Variants in KLF5 observed in about 807,000 individuals in gnomAD.
KLF5 encodes the protein KLF transcription factor 5, also known as Krueppel-like factor 5.
Under a neutral mutation model 36.9 loss-of-function variants are expected in KLF5, and 9 were observed. The ratio of observed to expected loss-of-function variants is 0.24; its 90% CI spans 0.15 to 0.43. The LOEUF (loss-of-function observed/expected upper bound fraction) is 0.43, where lower values mean the gene tolerates loss of function less well. Ranked by LOEUF, KLF5 falls within the 20% of genes least tolerant of loss-of-function variation. KLF5 has a pLI of 1.00. For missense variants in KLF5, 524 were observed against 599.5 expected (o/e 0.87, Z 1.31); for synonymous variants, 246 against 241.7 (o/e 1.02, Z -0.17).
chr13:73,061,326 T>C, intron 1 of KLF5, among the ~76,000 whole-genome samples: 1 of 152,210 alleles, frequency 6.6e-6, no homozygotes, highest in Non-Finnish European at 1.5e-5. Context: ...GACACTGAAA[T>C]AGCCAAATAA....
intron 3 of KLF5, among the ~76,000 whole-genome samples, chr13:73,071,185 A>G (rs1185136338): frequency 1.3e-5 from 2 of 152,204 alleles, no homozygotes; most frequent in South Asian, 2.1e-4. Context: ...AGTGATGGGG[A>G]TACAGAGAAG....
intron 3 of KLF5, among the ~76,000 whole-genome samples, chr13:73,068,597 A>G (rs540820414): frequency 1.4e-4 from 21 of 150,208 alleles, no homozygotes; most frequent in Middle Eastern, 3.7e-3. Context: ...CCAGTTACTC[A>G]GGAGGCTGAG....
intron 1 of KLF5, among the ~76,000 whole-genome samples, chr13:73,061,566 C>G (rs2044635114): frequency 6.6e-6 from 1 of 152,174 alleles, no homozygotes; most frequent in Non-Finnish European, 1.5e-5. Flanking sequence ...CTTGTTATTG[C>G]ATCAGAATGG....
chr13:73,061,098 C>G (rs1189432855), intron 1 of KLF5, among the ~76,000 whole-genome samples: 2 of 152,060 alleles, frequency 1.3e-5, no homozygotes, highest in Non-Finnish European at 2.9e-5. Context: ...TAGCAGCACT[C>G]TACCAAGGGA....
intron 3 of KLF5, among the ~76,000 whole-genome samples, chr13:73,073,914 A>C (rs984089998): frequency 1.3e-5 from 2 of 152,224 alleles, no homozygotes; most frequent in Admixed American, 1.3e-4. Flanking sequence ...TGAGTGTCTT[A>C]GGTTAAATTT....
In KLF5 at chr13:73,059,536, C is replaced by A; in HGVS notation, c.209C>A (p.Pro70Gln). The A allele has an allele frequency of 8.4e-7, 1 of 1,186,272 alleles. No homozygotes were observed. Among genetic ancestry groups the A allele is most frequent in the Non-Finnish European group, 1.0e-6 (1 of 962,634 alleles). 73.5% of individuals were successfully genotyped at this position (1,186,272 alleles called of 1,614,324 possible). A position where few individuals can be genotyped will look rare whatever the true frequency, so the allele number is the denominator to read the frequency against. Reference protein sequence around the residue: ...AQPAPAQAPQPAQPPATGPRL... With the variant: ...AQPAPAQAPQQAQPPATGPRL... ...CCCGCGCCCGCGCAGGCCCCGCAGC[C>A]GGCCCAGCCGCCCGCCACCGGCCCG... The change falls in exon 1 of 4, where the codon CCG becomes CAG. Residue 70 changes from proline (P) to glutamine (Q), a missense_variant. By Grantham distance (76) the Pro-to-Gln change is moderately conservative. Transcript: ENST00000377687.
chr13:73,063,709 A>G, intron 2 of KLF5, 115 bp from the exon 3 acceptor site: 1 of 695,776 alleles, frequency 1.4e-6, no homozygotes, highest in Non-Finnish European at 2.5e-6. Context: ...GCTTCAAATA[A>G]TCTCATCTAG....
In KLF5 at chr13:73,075,922, C is replaced by A; in HGVS notation, c.*36C>A. ...TGTGACCCGTTCCAGGTCCCCTGGG[C>A]TCCCTCAAATGACAGACCTAACTAT... On this transcript the variant is annotated 3_prime_UTR_variant, in exon 4 of 4. Coordinates refer to ENST00000377687, the MANE Select transcript of KLF5 (RefSeq NM_001730.5). 1 of 1,477,642 alleles carries A rather than the reference C, an allele frequency of 6.8e-7. No individual in the cohort carries two copies. The highest frequency in any genetic ancestry group is 9.1e-7 in the Non-Finnish European group (1 of 1,093,160). 91.5% of individuals were successfully genotyped at this position (1,477,642 alleles called of 1,614,324 possible). A position where few individuals can be genotyped will look rare whatever the true frequency, so the allele number is the denominator to read the frequency against.
intron 3 of KLF5, among the ~76,000 whole-genome samples, chr13:73,072,228 GA>G (rs199638986): frequency 0.018 from 2,755 of 151,492 alleles, 100 homozygotes; most frequent in African/African-American, 0.062. Context: ...TCAGAGGGGG[GA>G]AAAAAAAGGA....
Position 73,067,035 on chromosome 13 carries a change from T to A in KLF5, c.1195+3152T>A, listed in dbSNP as rs556084253. On this transcript the variant is annotated intron_variant, in intron 3 of 3. Coordinates refer to ENST00000377687, the MANE Select transcript of KLF5 (RefSeq NM_001730.5). Reference sequence around the variant, plus strand: ...TGTAGTATGTGTGTGTATACATTTATCATGCCTTTGGTGAGAAATAATTAT... The same window carrying A: ...TGTAGTATGTGTGTGTATACATTTAACATGCCTTTGGTGAGAAATAATTAT... Among the ~76,000 whole-genome samples, 61 of 152,360 alleles carry A rather than the reference T, an allele frequency of 4.0e-4. 1 individual carries two copies. In the Middle Eastern group the frequency reaches 0.01, roughly 25 times the overall value.
chr13:73,066,173 C>T (rs928313612), intron 3 of KLF5, among the ~76,000 whole-genome samples: 1 of 152,128 alleles, frequency 6.6e-6, no homozygotes, highest in East Asian at 1.9e-4. Flanking sequence ...TAAACCTGTT[C>T]TTGGGTAATC....
At position 73,059,324 on chromosome 13, in the gene KLF5, G is replaced by A; in HGVS notation, c.-4G>A. 1 of 1,388,832 alleles carries A rather than the reference G, an allele frequency of 7.2e-7. No homozygotes were observed. 86.0% of individuals were successfully genotyped at this position (1,388,832 alleles called of 1,614,324 possible). A position where few individuals can be genotyped will look rare whatever the true frequency, so the allele number is the denominator to read the frequency against. On this transcript the variant is annotated 5_prime_UTR_variant, in exon 1 of 4. Coordinates refer to ENST00000377687, the MANE Select transcript of KLF5 (RefSeq NM_001730.5). Reference sequence around the variant, plus strand: ...CGCGCCTGGAGCTGCGCCCCCGAGTGCCCATGGCTACAAGGGTGCTGAGCA... The same window carrying A: ...CGCGCCTGGAGCTGCGCCCCCGAGTACCCATGGCTACAAGGGTGCTGAGCA...
intron 3 of KLF5, among the ~76,000 whole-genome samples, chr13:73,069,118 T>A (rs12584424): frequency 0.058 from 8,803 of 151,724 alleles, 325 homozygotes; most frequent in East Asian, 0.085. Flanking sequence ...TAATAAAAAA[T>A]AAAAAATCGA....
At chr13:73,063,404 A>T (rs1210650638) in intron 2 of KLF5, among the ~76,000 whole-genome samples, 1 of 152,236 alleles carries the variant, frequency 6.6e-6, no homozygotes, top group African/African-American at 2.4e-5. Context: ...CTGATACATG[A>T]TATGGCATGA....
In KLF5 at chr13:73,059,941, C is replaced by A. The variant is rs931608803; in HGVS notation, c.261+353C>A. Reference sequence around the variant, plus strand: ...TACGCTCAGTTTTACTTAAATTACGCCTTCGCCTGTACCGCTCTCCAATGC... The same window carrying A: ...TACGCTCAGTTTTACTTAAATTACGACTTCGCCTGTACCGCTCTCCAATGC... On this transcript the variant is annotated intron_variant, in intron 1 of 3. Transcript: ENST00000377687. 7 of 286,360 alleles carry A rather than the reference C, an allele frequency of 2.4e-5. No individual in the cohort carries two copies. The Admixed American group carries it at 2.6e-4, about 11-fold the overall frequency. 17.7% of individuals were successfully genotyped at this position (286,360 alleles called of 1,614,324 possible). A position where few individuals can be genotyped will look rare whatever the true frequency, so the allele number is the denominator to read the frequency against.
chr13:73,059,722 G>A, intron 1 of KLF5, 134 bp downstream of exon 1: 1 of 891,102 alleles, frequency 1.1e-6, no homozygotes, highest in Non-Finnish European at 1.3e-6. Flanking sequence ...TGCTGGGTGG[G>A]CAGCCCCGCC....
chr13:73,068,357 G>T (rs2044696511), intron 3 of KLF5, among the ~76,000 whole-genome samples: 1 of 152,124 alleles, frequency 6.6e-6, no homozygotes. Flanking sequence ...CTTGAGATTT[G>T]CTGCTGAATA....
rs934662706 is a variant in KLF5 at position 73,059,162 on chromosome 13, G to C, written c.-166G>C. ...ACGTGTGGAAGAGCGGAAGAGTTTT[G>C]CTTTTCGTGCGCGCCTTCGAAAACT... On this transcript the variant is annotated 5_prime_UTR_variant, in exon 1 of 4. Coordinates refer to ENST00000377687, the MANE Select transcript of KLF5 (RefSeq NM_001730.5). The C allele has an allele frequency of 9.3e-6, 5 of 539,304 alleles. No homozygotes were observed. Among genetic ancestry groups the C allele is most frequent in the Admixed American group, 4.5e-5 (1 of 22,456 alleles). The allele number at this position is 539,304 out of a possible 1,614,324, so 33.4% of individuals were successfully genotyped here.
intron 3 of KLF5, among the ~76,000 whole-genome samples, chr13:73,064,912 C>T (rs2044668516): frequency 6.6e-6 from 1 of 152,168 alleles, no homozygotes; most frequent in South Asian, 2.1e-4. Context: ...AGGTGGCATA[C>T]TTTAAAGGCC....
Sources: allele counts gnomAD v4.1 joint callset (sites outside exome capture counted in the v4.1 genomes callset), GRCh38; gene constraint gnomAD v4.1.1; transcripts MANE v1.5; gene names NCBI Gene and HGNC (gene_info 2026-07-23, HGNC 2026-07-21).